The following SORCS2 variants were observed in gnomAD, a reference collection of about 807,000 sequenced individuals.
The protein encoded by SORCS2 is sortilin related VPS10 domain containing receptor 2, also known as VPS10 domain-containing receptor SorCS2.
Under a neutral mutation model 141.6 loss-of-function variants are expected in SORCS2, and 100 were observed. The ratio of observed to expected loss-of-function variants is 0.71; its 90% CI spans 0.60 to 0.83. SORCS2 has a LOEUF of 0.83. Among genes scored for constraint, SORCS2 ranks in the 40% least tolerant of loss-of-function variants. SORCS2 has a pLI of 0.00. For missense variants in SORCS2, 1,646 were observed against 1,560.2 expected (o/e 1.05, Z -0.93); for synonymous variants, 789 against 676.9 (o/e 1.17, Z -2.57).
At chr4:7,447,782 G>A (rs1034121605) in intron 2 of SORCS2, among the ~76,000 whole-genome samples, 10 of 152,116 alleles carry the variant, frequency 6.6e-5, no homozygotes, top group Non-Finnish European at 1.5e-4. Flanking sequence ...AACAAACTAC[G>A]ACCCAGGATG....
intron 1 of SORCS2, among the ~76,000 whole-genome samples, chr4:7,324,157 T>TA (rs1410624457): frequency 2.6e-5 from 4 of 152,222 alleles, no homozygotes; most frequent in African/African-American, 9.6e-5. Flanking sequence ...CTAAAGCCTA[T>TA]TCCCTTTCCA....
At chr4:7,650,161 G>C (rs1379248521) in intron 4 of SORCS2, among the ~76,000 whole-genome samples, 2 of 152,174 alleles carry the variant, frequency 1.3e-5, no homozygotes, top group Admixed American at 1.3e-4. Flanking sequence ...GATAATTCAA[G>C]TGCAGGTCTG....
At chr4:7,521,946 G>C (rs542208080) in intron 2 of SORCS2, among the ~76,000 whole-genome samples, 1 of 152,354 alleles carries the variant, frequency 6.6e-6, no homozygotes, top group South Asian at 2.1e-4. Flanking sequence ...GGACAAGCTG[G>C]AGCACACCGG....
At chr4:7,312,291 G>A (rs1238641260) in intron 1 of SORCS2, among the ~76,000 whole-genome samples, 7 of 152,158 alleles carry the variant, frequency 4.6e-5, no homozygotes, top group Non-Finnish European at 1.0e-4. Flanking sequence ...AGCTAAGAAA[G>A]CTTCTCACAC....
At chr4:7,610,197 C>T (rs774581626) in intron 3 of SORCS2, among the ~76,000 whole-genome samples, 12 of 152,258 alleles carry the variant, frequency 7.9e-5, no homozygotes, top group South Asian at 2.1e-4. Context: ...TGCAATTAGC[C>T]GCGGTTGGAA....
At chr4:7,349,933 C>G (rs1313543562) in intron 1 of SORCS2, among the ~76,000 whole-genome samples, 8 of 152,190 alleles carry the variant, frequency 5.3e-5, no homozygotes, top group Non-Finnish European at 1.2e-4. Context: ...CTGCTGTTCT[C>G]CTGTTTTTCC....
chr4:7,475,682 C>T lies in SORCS2; in HGVS notation c.549-55848C>T, dbSNP rs1004123919. Among the ~76,000 whole-genome samples, 3 of 152,344 alleles carry T rather than the reference C, an allele frequency of 2.0e-5. No homozygotes were observed. The South Asian group carries it at 6.2e-4, about 32-fold the overall frequency. On this transcript the variant is annotated intron_variant, in intron 2 of 26. Transcript: ENST00000507866. Reference sequence around the variant, plus strand: ...GCACCTGTACATGTGCATACATGCACTCATGCATGTTCATGTTCACACACA... The same window carrying T: ...GCACCTGTACATGTGCATACATGCATTCATGCATGTTCATGTTCACACACA...
At chr4:7,433,069 G>T in intron 2 of SORCS2, 2 of 351,986 alleles carry the variant, frequency 5.7e-6, no homozygotes, top group Non-Finnish European at 1.0e-5. Context: ...AGCCTTGGCT[G>T]GGTCAGGGAG....
chr4:7,494,503 C>A lies in SORCS2; in HGVS notation c.549-37027C>A, dbSNP rs538719061. Among the ~76,000 whole-genome samples the A allele has an allele frequency of 2.1e-4, 26 of 121,502 alleles. No homozygotes were observed. The Admixed American group carries it at 2.4e-3, about 11-fold the overall frequency. 79.7% of individuals were successfully genotyped at this position (121,502 alleles called of 152,430 possible). A position where few individuals can be genotyped will look rare whatever the true frequency, so the allele number is the denominator to read the frequency against. ...GCAGATGTCTGCCTCCTCGCTGTGT[C>A]GTCTCATGGTGTAGAGAGAGAGAGA... On this transcript the variant is annotated intron_variant, in intron 2 of 26. Transcript: ENST00000507866.
intron 1 of SORCS2, among the ~76,000 whole-genome samples, chr4:7,204,328 A>G (rs374992217): frequency 7.9e-4 from 120 of 151,996 alleles, no homozygotes; most frequent in African/African-American, 2.8e-3. Flanking sequence ...CGATTCTCTC[A>G]CCTCAGCCTC....
At chr4:7,727,435 C>T (rs918449436) in intron 21 of SORCS2, among the ~76,000 whole-genome samples, 5 of 152,054 alleles carry the variant, frequency 3.3e-5, no homozygotes, top group South Asian at 2.1e-4. Flanking sequence ...AGACCCCCCC[C>T]CCCCTTGTCA....
chr4:7,724,383 A>G (rs1294215506), intron 19 of SORCS2, among the ~76,000 whole-genome samples: 1 of 127,196 alleles, frequency 7.9e-6, no homozygotes, highest in Non-Finnish European at 1.6e-5. Context: ...TGGTGGTGAT[A>G]GGGTGTTGGT....
At chr4:7,237,593 T>A (rs529018267) in intron 1 of SORCS2, among the ~76,000 whole-genome samples, 1 of 152,326 alleles carries the variant, frequency 6.6e-6, no homozygotes, top group African/African-American at 2.4e-5. Context: ...ATGGACCAGG[T>A]ATTGAGCTTG....
chr4:7,395,239 G>A (rs1724133005), intron 1 of SORCS2, among the ~76,000 whole-genome samples: 1 of 152,242 alleles, frequency 6.6e-6, no homozygotes, highest in Non-Finnish European at 1.5e-5. Context: ...GCTGCCATCT[G>A]TGGAAACGGC....
At chr4:7,341,408 C>T (rs533652401) in intron 1 of SORCS2, among the ~76,000 whole-genome samples, 25 of 152,374 alleles carry the variant, frequency 1.6e-4, no homozygotes, top group Middle Eastern at 3.4e-3. Flanking sequence ...CCCTGCGGGG[C>T]TTTGTCCCTC....
rs1009747715 is a variant in SORCS2 at position 7,699,457 on chromosome 4, G to A, written c.1668+2183G>A. On this transcript the variant is annotated intron_variant, in intron 12 of 26. Coordinates refer to ENST00000507866, the MANE Select transcript of SORCS2 (RefSeq NM_020777.3). ...AGGCGTCCAGGTGTCCCAGTGCAGA[G>A]CCCTGGTGTGCACCGGCTCAGGGGG... 1.8e-4 allele frequency among the ~76,000 whole-genome samples: 27 copies of A among 152,202 alleles called. 1 individual carries two copies. The highest frequency in any genetic ancestry group is 2.9e-5 in the Non-Finnish European group (2 of 68,024).
chr4:7,450,968 G>A (rs1206238934), intron 2 of SORCS2, among the ~76,000 whole-genome samples: 1 of 151,674 alleles, frequency 6.6e-6, no homozygotes, highest in Non-Finnish European at 1.5e-5. Context: ...GGGAGAGTGA[G>A]TGAATGCATG....
intron 3 of SORCS2, among the ~76,000 whole-genome samples, chr4:7,615,723 C>T (rs1423725214): frequency 1.3e-5 from 2 of 152,140 alleles, no homozygotes; most frequent in Non-Finnish European, 2.9e-5. Context: ...GGTGGCTCCT[C>T]TGTGCTCCCG....
rs112966761 is a variant in SORCS2 at position 7,591,739 on chromosome 4, A to G, written c.649-46589A>G. On this transcript the variant is annotated intron_variant, in intron 3 of 26. Coordinates refer to ENST00000507866, the MANE Select transcript of SORCS2 (RefSeq NM_020777.3). ...CCCGTAGAGCCCGGGAGAGCTTTCT[A>G]AAGCGCCCCACGGCAGTGATGAATC... Among the ~76,000 whole-genome samples, 588 of 152,228 alleles carry G rather than the reference A, an allele frequency of 3.9e-3. 7 individuals carry two copies. Among genetic ancestry groups the G allele is most frequent in the African/African-American group, 0.012 (515 of 41,538 alleles).
Sources: allele counts gnomAD v4.1 joint callset (sites outside exome capture counted in the v4.1 genomes callset), GRCh38; gene constraint gnomAD v4.1.1; transcripts MANE v1.5; gene names NCBI Gene and HGNC (gene_info 2026-07-23, HGNC 2026-07-21).